The following AGBL4 variants were observed in gnomAD, a reference collection of about 807,000 sequenced individuals.
AGBL4 encodes the protein cytosolic carboxypeptidase 6.
AGBL4 carries 58 observed loss-of-function variants against 66.4 expected under a neutral mutation model. The ratio of observed to expected loss-of-function variants is 0.87; its 90% CI spans 0.71 to 1.09. The LOEUF (loss-of-function observed/expected upper bound fraction) is 1.09, where lower values mean the gene tolerates loss of function less well. Ranked by LOEUF, AGBL4 falls within the 50% of genes least tolerant of loss-of-function variation. AGBL4 has a pLI of 0.00. For synonymous variants in AGBL4, 234 were observed against 222.9 expected (o/e 1.05, Z -0.44); for missense variants, 579 against 631.0 (o/e 0.92, Z 0.88).
chr1:49,577,433 T>C (rs765552726), intron 3 of AGBL4, among the ~76,000 whole-genome samples: 15 of 152,142 alleles, frequency 9.9e-5, no homozygotes, highest in Non-Finnish European at 4.4e-5. Context: ...CAGAGACCAA[T>C]ACCTAACACT....
At chr1:48,854,319 C>G (rs1366401072) in intron 6 of AGBL4, among the ~76,000 whole-genome samples, 1 of 152,170 alleles carries the variant, frequency 6.6e-6, no homozygotes, top group Non-Finnish European at 1.5e-5. Context: ...TCTGCTCTCC[C>G]CAGGGCTTGC....
chr1:49,151,044 G>A (rs2148119101), intron 4 of AGBL4, among the ~76,000 whole-genome samples: 1 of 152,128 alleles, frequency 6.6e-6, no homozygotes, highest in East Asian at 1.9e-4. Flanking sequence ...CGAGGAGGGT[G>A]GATCACGAAG....
At chr1:48,765,288 C>T (rs968398823) in intron 6 of AGBL4, among the ~76,000 whole-genome samples, 1 of 152,122 alleles carries the variant, frequency 6.6e-6, no homozygotes, top group African/African-American at 2.4e-5. Flanking sequence ...ATAATAAAAA[C>T]AGGCTACACC....
chr1:49,895,547 C>CT (rs1649112655), intron 1 of AGBL4, among the ~76,000 whole-genome samples: 1 of 151,778 alleles, frequency 6.6e-6, no homozygotes, highest in African/African-American at 2.4e-5. Context: ...TAAGATATAG[C>CT]TTTTTTAAAA....
Position 49,880,255 on chromosome 1 carries a change from A to G in AGBL4, c.35-28737T>C, listed in dbSNP as rs890996184. ...AGGCGCTCTGCGTTTTAGAGTTTCC[A>G]GATTTTCTGTTCTGTTTTTTCCCCA... On this transcript the variant is annotated intron_variant, in intron 1 of 13. Transcript: ENST00000371839. Among the ~76,000 whole-genome samples, 5 of 151,924 alleles carry G rather than the reference A, an allele frequency of 3.3e-5. No individual in the cohort carries two copies. In the East Asian group the frequency reaches 7.8e-4, roughly 24 times the overall value.
At chr1:48,931,042 T>C (rs1190139565) in intron 5 of AGBL4, among the ~76,000 whole-genome samples, 1 of 152,232 alleles carries the variant, frequency 6.6e-6, no homozygotes, top group African/African-American at 2.4e-5. Context: ...TTGTTCCCTG[T>C]ATTTTTTATG....
At chr1:49,266,251 A>G (rs1264596010) in intron 3 of AGBL4, 1 of 152,152 alleles carries the variant, frequency 6.6e-6, no homozygotes, top group Non-Finnish European at 1.5e-5. Flanking sequence ...AAAGAGGTAA[A>G]AGGGGAATGG....
intron 4 of AGBL4, among the ~76,000 whole-genome samples, chr1:49,133,366 C>T (rs910217750): frequency 2.0e-5 from 3 of 152,102 alleles, no homozygotes; most frequent in Non-Finnish European, 4.4e-5. Flanking sequence ...CAAACCTGCA[C>T]ATTCTGCACA....
intron 1 of AGBL4, among the ~76,000 whole-genome samples, chr1:49,979,454 C>T (rs35654319): frequency 0.093 from 13,734 of 148,328 alleles, 851 homozygotes; most frequent in East Asian, 0.31. Context: ...GGCGACAGAG[C>T]GAGACTCCGC....
At chr1:49,527,998 AT>A (rs1371449931) in intron 3 of AGBL4, among the ~76,000 whole-genome samples, 3 of 151,964 alleles carry the variant, frequency 2.0e-5, no homozygotes, top group Non-Finnish European at 4.4e-5. Flanking sequence ...GACAAATTAG[AT>A]TTTTTTTCAA....
At position 49,934,599 on chromosome 1, in the gene AGBL4, T is replaced by C. The variant is rs137999597; in HGVS notation, c.35-83081A>G. ...AAATTAAAAGGAAAATCAAAAATTA[T>C]CTTGAAACAAATTAAAATGTCAACA... is the stretch of plus-strand genomic sequence containing the variant. On this transcript the variant is annotated intron_variant, in intron 1 of 13. Coordinates refer to ENST00000371839, the MANE Select transcript of AGBL4 (RefSeq NM_032785.4). 5.3e-5 allele frequency among the ~76,000 whole-genome samples: 8 copies of C among 152,232 alleles called. No homozygotes were observed. The East Asian group carries it at 1.5e-3, about 29-fold the overall frequency.
chr1:48,667,507 A>G (rs1646208001), intron 6 of AGBL4, among the ~76,000 whole-genome samples: 1 of 152,262 alleles, frequency 6.6e-6, no homozygotes, highest in Non-Finnish European at 1.5e-5. Flanking sequence ...ACTTCACAAG[A>G]GACCTATGCC....
intron 6 of AGBL4, among the ~76,000 whole-genome samples, chr1:48,787,617 A>ATAG (rs1645440510): frequency 6.6e-6 from 1 of 152,192 alleles, no homozygotes; most frequent in South Asian, 2.1e-4. Flanking sequence ...AGTTCTTTTC[A>ATAG]TAGATTCTTT....
intron 6 of AGBL4, among the ~76,000 whole-genome samples, chr1:48,745,792 C>T (rs1279055582): frequency 6.6e-6 from 1 of 152,138 alleles, no homozygotes. Flanking sequence ...ACTGGGTTTG[C>T]CACTTACTGT....
chr1:48,756,178 C>T (rs1643913170), intron 6 of AGBL4, among the ~76,000 whole-genome samples: 1 of 152,224 alleles, frequency 6.6e-6, no homozygotes, highest in African/African-American at 2.4e-5. Context: ...CATACATGCT[C>T]TTTGCCTAAA....
chr1:48,562,834 T>C (rs1644415836), intron 11 of AGBL4, among the ~76,000 whole-genome samples: 1 of 152,230 alleles, frequency 6.6e-6, no homozygotes, highest in South Asian at 2.1e-4. Context: ...ATTCATGCAA[T>C]AATTTGTGTA....
intron 1 of AGBL4, among the ~76,000 whole-genome samples, chr1:49,854,439 A>C (rs1199779683): frequency 3.9e-5 from 6 of 152,194 alleles, no homozygotes; most frequent in African/African-American, 1.4e-4. Context: ...AGATGCCTGC[A>C]ATAGCCACAG....
At chr1:49,027,628 G>C (rs1663827781) in intron 5 of AGBL4, among the ~76,000 whole-genome samples, 1 of 152,048 alleles carries the variant, frequency 6.6e-6, no homozygotes, top group African/African-American at 2.4e-5. Flanking sequence ...CTATAGCTAT[G>C]ATTTCACCTT....
intron 3 of AGBL4, among the ~76,000 whole-genome samples, chr1:49,542,456 G>A (rs141616704): frequency 0.028 from 4,192 of 152,164 alleles, 167 homozygotes; most frequent in African/African-American, 0.095. Flanking sequence ...AACAAACTCC[G>A]GACATGCCGC....
Sources: gnomAD v4.1 joint callset for allele counts (sites outside exome capture counted in the v4.1 genomes callset) on GRCh38, gnomAD v4.1.1 for gene constraint, MANE v1.5 for transcripts, NCBI Gene and HGNC (gene_info 2026-07-23, HGNC 2026-07-21) for gene names.